Variants in WAC observed in about 807,000 individuals in gnomAD.
WAC encodes the protein WW domain-containing adapter protein with coiled-coil.
A neutral mutation model predicts 79.6 loss-of-function variants in WAC; 11 were observed. The observed-to-expected ratio is 0.14, with a 90% CI of 0.09 to 0.23. The LOEUF (loss-of-function observed/expected upper bound fraction) is 0.23. Ranked by LOEUF, WAC falls within the 10% of genes least tolerant of loss-of-function variation. The probability of loss-of-function intolerance (pLI) is 1.00; values close to 1 mark genes in which losing one functional copy is unlikely to be tolerated. For missense variants in WAC, 728 were observed against 773.5 expected (o/e 0.94, Z 0.70); for synonymous variants, 304 against 276.9 (o/e 1.10, Z -0.97).
intron 3 of WAC, among the ~76,000 whole-genome samples, chr10:28,549,370 C>G (rs1837540077): frequency 6.6e-6 from 1 of 152,078 alleles, no homozygotes; most frequent in African/African-American, 2.4e-5. Flanking sequence ...TCTTTTAATC[C>G]TTTGATTTTC....
At chr10:28,575,354 C>A (rs144559522) in intron 3 of WAC, among the ~76,000 whole-genome samples, 249 of 152,220 alleles carry the variant, frequency 1.6e-3, no homozygotes, top group Middle Eastern at 6.8e-3. Context: ...TGCTTTTGTT[C>A]TTTTTTATGG....
chr10:28,558,718 A>G (rs1205125848), intron 3 of WAC, among the ~76,000 whole-genome samples: 2 of 152,220 alleles, frequency 1.3e-5, no homozygotes, highest in Non-Finnish European at 2.9e-5. Flanking sequence ...TTTGCTTTAC[A>G]GTGAATCAAT....
rs974547432 is a variant in WAC, at chr10:28,620,772, C to T, written c.*1166C>T. 2.6e-5 allele frequency: 4 copies of T among 152,106 alleles called. No individual in the cohort carries two copies. The highest frequency in any genetic ancestry group is 6.5e-5 in the Admixed American group (1 of 15,272). The allele number at this position is 152,106 out of a possible 1,614,324, so 9.4% of individuals were successfully genotyped here. A position where few individuals can be genotyped will look rare whatever the true frequency, so the allele number is the denominator to read the frequency against. On this transcript the variant is annotated 3_prime_UTR_variant, in exon 14 of 14. Transcript: ENST00000354911. ...CCAAGTGGTTGTCATTTGTTAAACCCTGGTTTACCTGTCTTGCTATTATGA... is the reference window on the plus strand; with the variant it reads ...CCAAGTGGTTGTCATTTGTTAAACCTTGGTTTACCTGTCTTGCTATTATGA...
At chr10:28,585,433 A>G (rs1589199312) in intron 4 of WAC, among the ~76,000 whole-genome samples, 1 of 152,314 alleles carries the variant, frequency 6.6e-6, no homozygotes, top group East Asian at 1.9e-4. Context: ...CAGCTCTAGC[A>G]TCACAGAGCG....
intron 3 of WAC, among the ~76,000 whole-genome samples, chr10:28,573,255 C>T (rs1839070981): frequency 6.6e-6 from 1 of 151,880 alleles, no homozygotes; most frequent in Non-Finnish European, 1.5e-5. Context: ...TTGTCATCTC[C>T]CCCCCAAAAT....
intron 12 of WAC, among the ~76,000 whole-genome samples, 161 bp downstream of exon 12, chr10:28,616,523 C>T (rs1323806607): frequency 6.6e-6 from 1 of 152,184 alleles, no homozygotes; most frequent in East Asian, 1.9e-4. Context: ...TATAAGATAA[C>T]TTTTCTGGTT....
At chr10:28,571,793 CCT>C (rs1410253559) in intron 3 of WAC, among the ~76,000 whole-genome samples, 1 of 152,156 alleles carries the variant, frequency 6.6e-6, no homozygotes, top group African/African-American at 2.4e-5. Flanking sequence ...CAGGTACCTG[CCT>C]CTGTTTCTTT....
intron 3 of WAC, among the ~76,000 whole-genome samples, chr10:28,548,216 G>A (rs529480626): frequency 2.1e-3 from 324 of 151,486 alleles, no homozygotes; most frequent in Non-Finnish European, 3.7e-3. Context: ...GAGCCACCAC[G>A]CCCGGCCAAC....
chr10:28,551,340 GA>G (rs1163929920), intron 3 of WAC, among the ~76,000 whole-genome samples: 2 of 151,808 alleles, frequency 1.3e-5, no homozygotes, highest in Non-Finnish European at 2.9e-5. Flanking sequence ...TTGTATCAGG[GA>G]AAAAAAAGAA....
intron 3 of WAC, among the ~76,000 whole-genome samples, chr10:28,541,770 C>T (rs1837065395): frequency 6.6e-6 from 1 of 152,040 alleles, no homozygotes; most frequent in Non-Finnish European, 1.5e-5. Flanking sequence ...TTTATCTCTG[C>T]CTTCAAATTA....
At chr10:28,544,688 G>A (rs889762026) in intron 3 of WAC, among the ~76,000 whole-genome samples, 1 of 152,176 alleles carries the variant, frequency 6.6e-6, no homozygotes, top group South Asian at 2.1e-4. Flanking sequence ...GATGTGGCTT[G>A]TGGGAACATT....
In WAC at chr10:28,621,988, C is replaced by T. The variant is rs1010310514; in HGVS notation, c.*2382C>T. The T allele has an allele frequency of 2.0e-5, 3 of 152,490 alleles. No individual in the cohort carries two copies. The highest frequency in any genetic ancestry group is 6.5e-5 in the Admixed American group (1 of 15,280). The allele number at this position is 152,490 out of a possible 1,614,324, so 9.4% of individuals were successfully genotyped here. A position where few individuals can be genotyped will look rare whatever the true frequency, so the allele number is the denominator to read the frequency against. On this transcript the variant is annotated 3_prime_UTR_variant, in exon 14 of 14. Coordinates refer to ENST00000354911, the MANE Select transcript of WAC (RefSeq NM_016628.5). ...TGCCTCCTGGGTTCAAGCGATTCTC[C>T]TGCCTCGGCGTTCCGAGTAGCTGGG... is the stretch of plus-strand genomic sequence containing the variant.
At chr10:28,605,355 T>G (rs929652662) in intron 7 of WAC, among the ~76,000 whole-genome samples, 1 of 152,238 alleles carries the variant, frequency 6.6e-6, no homozygotes, top group Non-Finnish European at 1.5e-5. Flanking sequence ...GTTCAGTAAA[T>G]GTGGCTTGGA....
At chr10:28,570,976 AGTTGGAGTCTCACTCT>A (rs1838927416) in intron 3 of WAC, among the ~76,000 whole-genome samples, 1 of 42,664 alleles carries the variant, frequency 2.3e-5, no homozygotes. Flanking sequence ...TTTTTTTTTG[AGTTGGAGTCTCACTCT>A]GTCACCCAGG....
At chr10:28,535,507 G>A in intron 2 of WAC, 55 bp from the exon 3 acceptor site, 4 of 1,477,176 alleles carry the variant, frequency 2.7e-6, no homozygotes, top group Non-Finnish European at 2.7e-6. Context: ...TTTAAATTAG[G>A]GAGTTTAAGG....
Position 28,619,694 on chromosome 10 carries a change from C to G in WAC, c.*88C>G. ...CATTTTTGAGCTGCATTTAAGTAGA[C>G]TTTGGACCGTTAAGCTGGGCAAAGG... On this transcript the variant is annotated 3_prime_UTR_variant, in exon 14 of 14. Transcript: ENST00000354911. 1 of 1,136,454 alleles carries G rather than the reference C, an allele frequency of 8.8e-7. No individual in the cohort carries two copies. The highest frequency in any genetic ancestry group is 1.2e-6 in the Non-Finnish European group (1 of 817,466). The allele number at this position is 1,136,454 out of a possible 1,614,324, so 70.4% of individuals were successfully genotyped here.
chr10:28,620,598 G>A lies in WAC; in HGVS notation c.*992G>A, dbSNP rs557040931. On this transcript the variant is annotated 3_prime_UTR_variant, in exon 14 of 14. Transcript: ENST00000354911. Reference sequence around the variant, plus strand: ...CACATTAGCATTTGAACTACCTGGGGATTCTTTATCAGAACTGTTCTTGTT... The same window carrying A: ...CACATTAGCATTTGAACTACCTGGGAATTCTTTATCAGAACTGTTCTTGTT... The A allele has an allele frequency of 6.6e-6, 1 of 152,630 alleles. No individual in the cohort carries two copies. Among genetic ancestry groups the A allele is most frequent in the South Asian group, 2.1e-4 (1 of 4,828 alleles). The allele number at this position is 152,630 out of a possible 1,614,324, so 9.5% of individuals were successfully genotyped here. A position where few individuals can be genotyped will look rare whatever the true frequency, so the allele number is the denominator to read the frequency against.
In WAC at chr10:28,616,284, G is replaced by T; in HGVS notation, c.1668G>T (p.Thr556=). The change falls in exon 12 of 14, where the codon ACG becomes ACT. Residue 556 remains threonine, a synonymous_variant. Coordinates refer to ENST00000354911, the MANE Select transcript of WAC (RefSeq NM_016628.5). ...CTGCCCGATCCACGTGTTCATTAAC[G>T]CCTGCACTAGCAGCACACTTCAGTG... The part of the protein sequence containing the change: ...NSSARSTCSL[T]PALAAHFSEN... 6.2e-7 allele frequency: 1 copy of T among 1,613,942 alleles called. No homozygotes were observed. Among genetic ancestry groups the T allele is most frequent in the East Asian group, 2.2e-5 (1 of 44,872 alleles).
At chr10:28,548,192 G>C (rs1837468004) in intron 3 of WAC, among the ~76,000 whole-genome samples, 1 of 151,842 alleles carries the variant, frequency 6.6e-6, no homozygotes, top group Non-Finnish European at 1.5e-5. Flanking sequence ...CAAAGTGCTG[G>C]GATTTACAGG....
Sources: allele counts gnomAD v4.1 joint callset (sites outside exome capture counted in the v4.1 genomes callset), GRCh38; gene constraint gnomAD v4.1.1; transcripts MANE v1.5; gene names NCBI Gene and HGNC (gene_info 2026-07-23, HGNC 2026-07-21).